MPDZ: variants seen among roughly 807,000 people sequenced by gnomAD.
MPDZ encodes the protein multiple PDZ domain protein.
MPDZ carries 234 observed loss-of-function variants against 239.1 expected under a neutral mutation model. That is an observed-to-expected ratio of 0.98 (90% CI 0.88 to 1.09). MPDZ has a LOEUF of 1.09. Ranked by LOEUF, MPDZ falls within the 50% of genes least tolerant of loss-of-function variation. MPDZ has a pLI of 0.00. For missense variants in MPDZ, 3,175 were observed against 2,510.0 expected, an observed-to-expected ratio of 1.26 and a Z score of -5.66; for synonymous variants, 1,048 against 881.3, an observed-to-expected ratio of 1.19 and a Z score of -3.35.
At position 13,114,001 on chromosome 9, in the gene MPDZ, T is replaced by C. The variant is rs1375008569; in HGVS notation, c.5487A>G (p.Ser1829=). 5.6e-6 allele frequency: 9 copies of C among 1,595,928 alleles called. No individual in the cohort carries two copies. Among genetic ancestry groups the C allele is most frequent in the South Asian group, 1.1e-5 (1 of 87,556 alleles). The part of the protein sequence containing the change: ...QSSQVSEGSL[S]SFTFPLSGSS... ...ATCCAGAGAGTGGAAAAGTGAAAGA[T>C]GACAGGCTGCCTTCACTCACCTACA... The change falls in exon 41 of 47, where the codon TCA becomes TCG. Residue 1829 remains serine, a synonymous_variant. Transcript: ENST00000319217.
intron 28 of MPDZ, among the ~76,000 whole-genome samples, chr9:13,139,711 T>C (rs938983070): frequency 6.6e-6 from 1 of 152,132 alleles, no homozygotes; most frequent in African/African-American, 2.4e-5. Flanking sequence ...GCTGATCCAA[T>C]ACTAGCTTCT....
At chr9:13,149,004 T>G (rs918561477) in intron 25 of MPDZ, among the ~76,000 whole-genome samples, 1 of 151,992 alleles carries the variant, frequency 6.6e-6, no homozygotes, top group Admixed American at 6.6e-5. Context: ...AAATCTCTTT[T>G]GCTATTTAGG....
chr9:13,205,751 C>A (rs561857577), intron 11 of MPDZ, among the ~76,000 whole-genome samples, 165 bp downstream of exon 11: 15 of 152,114 alleles, frequency 9.9e-5, no homozygotes, highest in Non-Finnish European at 1.8e-4. Context: ...TCAATCCTGA[C>A]TTTATTACAC....
intron 1 of MPDZ, among the ~76,000 whole-genome samples, chr9:13,275,172 C>T (rs1036833046): frequency 1.3e-5 from 2 of 152,190 alleles, no homozygotes; most frequent in Admixed American, 6.5e-5. Flanking sequence ...CTTTGAGAAC[C>T]TTGTTATGAG....
At chr9:13,201,219 A>G (rs548017993) in intron 12 of MPDZ, among the ~76,000 whole-genome samples, 1 of 152,086 alleles carries the variant, frequency 6.6e-6, no homozygotes, top group African/African-American at 2.4e-5. Flanking sequence ...TTTATCTGAC[A>G]TAAGTATAGC....
At chr9:13,178,778 T>G (rs967162485) in intron 19 of MPDZ, among the ~76,000 whole-genome samples, 1 of 152,214 alleles carries the variant, frequency 6.6e-6, no homozygotes, top group Non-Finnish European at 1.5e-5. Flanking sequence ...AGTCTGTCAC[T>G]TGTCTTTTAG....
intron 15 of MPDZ, among the ~76,000 whole-genome samples, chr9:13,190,795 A>G (rs1008731196): frequency 1.3e-5 from 2 of 152,180 alleles, no homozygotes; most frequent in African/African-American, 4.8e-5. Context: ...CAGTGGCAAA[A>G]CATAAGATTT....
intron 24 of MPDZ, among the ~76,000 whole-genome samples, chr9:13,156,182 GA>G (rs1949790497): frequency 6.6e-6 from 1 of 152,126 alleles, no homozygotes; most frequent in Admixed American, 6.6e-5. Flanking sequence ...AAATTCAAAA[GA>G]TTCTATTATT....
At position 13,126,111 on chromosome 9, in the gene MPDZ, T is replaced by C. The variant is rs1448055595; in HGVS notation, c.4632+405A>G. Among the ~76,000 whole-genome samples the C allele has an allele frequency of 3.9e-5, 6 of 152,198 alleles. No individual in the cohort carries two copies. The East Asian group carries it at 5.8e-4, about 15-fold the overall frequency. On this transcript the variant is annotated intron_variant, in intron 34 of 46. Transcript: ENST00000319217. ...GGAGAGGGAACTCAAGTACAAGATA[T>C]GTTTAACCCTAATAAAAATTACGTA...
rs961338332 is a variant in MPDZ, at chr9:13,222,329, C to A, written c.651G>T (p.Gln217His). ...SILQKAKDTV[Q>H]LVIARGSLPQ... The stretch of plus-strand genomic sequence containing the variant: ...GCAATGAGCCTCTGGCAATAACTAG[C>A]TGGACAGTATCTTTGGCTTTCTGCA... Residue 217 changes from glutamine (Q) to histidine (H), a missense_variant, in exon 6 of 47, where the codon CAG (glutamine) becomes CAT (histidine). Gln to His is a conservative substitution (Grantham distance 24). Transcript: ENST00000319217. 6.2e-7 allele frequency: 1 copy of A among 1,613,064 alleles called. No individual in the cohort carries two copies. Among genetic ancestry groups the A allele is most frequent in the Non-Finnish European group, 8.5e-7 (1 of 1,179,354 alleles).
At chr9:13,136,580 C>G in intron 30 of MPDZ, 132 bp downstream of exon 30, 1 of 642,998 alleles carries the variant, frequency 1.6e-6, no homozygotes. Flanking sequence ...CCCGCCTCAG[C>G]CTCCCAAAGT....
chr9:13,160,640 A>T (rs908575543), intron 23 of MPDZ, among the ~76,000 whole-genome samples: 1 of 151,472 alleles, frequency 6.6e-6, no homozygotes, highest in African/African-American at 2.4e-5. Flanking sequence ...TAACCCTACA[A>T]TGGAAATCCT....
Position 13,176,389 on chromosome 9 carries a change from A to G in MPDZ, c.2678T>C (p.Val893Ala). The part of the protein sequence containing the change: ...KDVIENSCDP[V>A]LDLHMSLEEL... ...CTCCAGAGACATATGCAGATCAAGT[A>G]CTGGATCACAAGAATTTTCAATAAC... Residue 893 changes from valine to alanine, a missense_variant, in exon 20 of 47, where the codon GTA becomes GCA. Physicochemically the swap from Val to Ala is moderately conservative, Grantham distance 64. Transcript: ENST00000319217. 2 of 1,584,148 alleles carry G rather than the reference A, an allele frequency of 1.3e-6. No individual in the cohort carries two copies. Among genetic ancestry groups the G allele is most frequent in the Non-Finnish European group, 1.7e-6 (2 of 1,164,884 alleles).
chr9:13,272,342 C>A (rs1218353565), intron 1 of MPDZ, among the ~76,000 whole-genome samples: 1 of 152,072 alleles, frequency 6.6e-6, no homozygotes, highest in Non-Finnish European at 1.5e-5. Context: ...TCATTTTCCT[C>A]CCTCAGCCAA....
At chr9:13,225,762 G>A (rs958638887) in intron 3 of MPDZ, among the ~76,000 whole-genome samples, 2 of 151,926 alleles carry the variant, frequency 1.3e-5, no homozygotes, top group Admixed American at 6.6e-5. Context: ...TATACCCTAC[G>A]ATGTTTGCAC....
chr9:13,165,342 G>A (rs1157893905), intron 22 of MPDZ: 2 of 1,547,514 alleles, frequency 1.3e-6, no homozygotes, highest in African/African-American at 2.7e-5. Flanking sequence ...CAGCCATAAT[G>A]AGCTTTCGAA....
Position 13,182,944 on chromosome 9 carries a change from C to A in MPDZ, c.2649+474G>T, listed in dbSNP as rs776497973. Among the ~76,000 whole-genome samples the A allele has an allele frequency of 3.3e-5, 5 of 152,182 alleles. No homozygotes were observed. The South Asian group carries it at 1.0e-3, about 32-fold the overall frequency. On this transcript the variant is annotated intron_variant, in intron 19 of 46. Coordinates refer to ENST00000319217, the MANE Select transcript of MPDZ (RefSeq NM_001378778.1). ...ACTGTGATTTTTTATGTAAAGTATT[C>A]TTTGGCATCATTTTGTATAAAAACA...
At chr9:13,215,765 T>G (rs1156440642) in intron 10 of MPDZ, among the ~76,000 whole-genome samples, 5 of 137,966 alleles carry the variant, frequency 3.6e-5, no homozygotes, top group African/African-American at 1.3e-4. Flanking sequence ...TTTTTTTTTT[T>G]TTTTTTTTTG....
At chr9:13,259,710 G>C (rs978820012) in intron 1 of MPDZ, among the ~76,000 whole-genome samples, 14 of 152,072 alleles carry the variant, frequency 9.2e-5, no homozygotes. Flanking sequence ...ACTGCATGTA[G>C]TTTCTTATAT....
Sources: allele counts gnomAD v4.1 joint callset (sites outside exome capture counted in the v4.1 genomes callset), GRCh38; gene constraint gnomAD v4.1.1; transcripts MANE v1.5; gene names NCBI Gene and HGNC (gene_info 2026-07-23, HGNC 2026-07-21).